CARS1: variants seen among roughly 807,000 people sequenced by gnomAD.
CARS1 encodes cysteinyl-tRNA synthetase 1.
CARS1 carries 48 observed loss-of-function variants against 106.2 expected under a neutral mutation model. That is an observed-to-expected ratio of 0.45 (90% CI 0.36 to 0.57). The LOEUF (loss-of-function observed/expected upper bound fraction) is 0.57. CARS1 is among the 20% of genes least tolerant of loss of function. The pLI is 0.00. For synonymous variants in CARS1, 409 were observed against 403.4 expected, an observed-to-expected ratio of 1.01 and a Z score of -0.17; for missense variants, 968 against 1,057.2, an observed-to-expected ratio of 0.92 and a Z score of 1.17.
intron 7 of CARS1, among the ~76,000 whole-genome samples, chr11:3,033,504 A>G (rs1250872453): frequency 6.6e-6 from 1 of 152,258 alleles, no homozygotes; most frequent in Non-Finnish European, 1.5e-5. Flanking sequence ...TTACTTCTAG[A>G]TAATTCCTGG....
In CARS1 at chr11:3,015,804, C is replaced by T. The variant is rs758967181; in HGVS notation, c.1963G>A (p.Gly655Arg). 8.4e-5 allele frequency: 136 copies of T among 1,614,020 alleles called. No homozygotes were observed. Among genetic ancestry groups the T allele is most frequent in the Non-Finnish European group, 1.0e-4 (121 of 1,180,026 alleles). Reference protein sequence around the residue: ...EEDSSLGFPVGGPGTSLSLEA... With the variant: ...EEDSSLGFPVRGPGTSLSLEA... ...ACACTGAGGCTGGTTCCAGGCCCTC[C>T]GACCGGGAATCCCAGGGAGCTGTCC... is the stretch of plus-strand genomic sequence containing the variant. The change falls in exon 17 of 23, where the codon GGA becomes AGA. Residue 655 changes from glycine (G) to arginine (R), a missense_variant. By Grantham distance (125) the Gly-to-Arg change is moderately radical (BLOSUM62 -2). Transcript: ENST00000380525.
At position 3,002,609 on chromosome 11, in the gene CARS1, T is replaced by A. The variant is rs1388822234; in HGVS notation, c.2218-9A>T. The A allele has an allele frequency of 6.2e-7, 1 of 1,613,778 alleles. No individual in the cohort carries two copies. Among genetic ancestry groups the A allele is most frequent in the Non-Finnish European group, 8.5e-7 (1 of 1,179,930 alleles). On this transcript the variant is annotated splice_polypyrimidine_tract_variant and intron_variant, in intron 20 of 22. Transcript: ENST00000380525. Reference sequence around the variant, plus strand: ...CTCTTCTCCTCTTCAACCTGGAGGGTCAATACAGAGCCAGATGAGACAGGG... The same window carrying A: ...CTCTTCTCCTCTTCAACCTGGAGGGACAATACAGAGCCAGATGAGACAGGG...
Position 3,017,025 on chromosome 11 carries a change from G to C in CARS1, c.1917+81C>G. 1 of 1,218,268 alleles carries C rather than the reference G, an allele frequency of 8.2e-7. No individual in the cohort carries two copies. Among genetic ancestry groups the C allele is most frequent in the East Asian group, 2.4e-5 (1 of 41,356 alleles). The allele number at this position is 1,218,268 out of a possible 1,614,324, so 75.5% of individuals were successfully genotyped here. A position where few individuals can be genotyped will look rare whatever the true frequency, so the allele number is the denominator to read the frequency against. ...AGGCACAGCACTGGGGGGCACCAGAGGCCTCTGTTCTCCCAGTCCTGGGGC... is the reference window on the plus strand; with the variant it reads ...AGGCACAGCACTGGGGGGCACCAGACGCCTCTGTTCTCCCAGTCCTGGGGC... On this transcript the variant is annotated intron_variant, in intron 16 of 22. Transcript: ENST00000380525. This position sits in a 1 kb window ranked among gnomAD's most constrained non-coding sequence, Gnocchi z 4.9.
rs79338628 is a variant in CARS1, at chr11:3,032,648, T to C, written c.802-3205A>G. Among the ~76,000 whole-genome samples, 9 of 151,960 alleles carry C rather than the reference T, an allele frequency of 5.9e-5. No homozygotes were observed. In the East Asian group the frequency reaches 1.5e-3, roughly 26 times the overall value. The stretch of plus-strand genomic sequence containing the variant: ...TTCTGTTTAAAAATTTTTTCCGATC[T>C]GAAATGGCTGCAACACTGTAGGATT... On this transcript the variant is annotated intron_variant, in intron 7 of 22. Coordinates refer to ENST00000380525, the MANE Select transcript of CARS1 (RefSeq NM_001014437.3).
In CARS1 at chr11:3,043,209, A is replaced by G. The variant is rs1349818091; in HGVS notation, c.275-953T>C. Among the ~76,000 whole-genome samples the G allele has an allele frequency of 6.6e-6, 1 of 151,884 alleles. No individual in the cohort carries two copies. The highest frequency in any genetic ancestry group is 1.5e-5 in the Non-Finnish European group (1 of 67,964). ...CAGGCCTGGCTTCCAACCTGGCACA[A>G]GGCTGTCCTTACACAACCTGCATCT... On this transcript the variant is annotated intron_variant, in intron 2 of 22. Coordinates refer to ENST00000380525, the MANE Select transcript of CARS1 (RefSeq NM_001014437.3). This position sits in a 1 kb window ranked among gnomAD's most constrained non-coding sequence, Gnocchi z 4.0.
At chr11:3,011,539 G>A (rs189335496) in intron 18 of CARS1, among the ~76,000 whole-genome samples, 182 of 152,266 alleles carry the variant, frequency 1.2e-3, no homozygotes, top group African/African-American at 4.1e-3. Context: ...GCGTGAACCC[G>A]GGAGGCGGAG....
chr11:3,033,880 A>T (rs1853220153), intron 7 of CARS1, among the ~76,000 whole-genome samples: 1 of 152,236 alleles, frequency 6.6e-6, no homozygotes, highest in Non-Finnish European at 1.5e-5. Flanking sequence ...TACCCATCAG[A>T]TACCTGTGAG....
At position 3,040,758 on chromosome 11, in the gene CARS1, G is replaced by C; in HGVS notation, c.455+138C>G. Reference sequence around the variant, plus strand: ...TCTTAAAAATAAGAGAAGAAATTCAGTCTTGATTCCTCAAATCTCAGGTCT... The same window carrying C: ...TCTTAAAAATAAGAGAAGAAATTCACTCTTGATTCCTCAAATCTCAGGTCT... On this transcript the variant is annotated intron_variant, in intron 4 of 22. Coordinates refer to ENST00000380525, the MANE Select transcript of CARS1 (RefSeq NM_001014437.3). This position sits in a 1 kb window ranked among gnomAD's most constrained non-coding sequence, Gnocchi z 5.8. 2 of 837,300 alleles carry C rather than the reference G, an allele frequency of 2.4e-6. No homozygotes were observed. The highest frequency in any genetic ancestry group is 3.8e-6 in the Non-Finnish European group (2 of 526,734). The allele number at this position is 837,300 out of a possible 1,614,324, so 51.9% of individuals were successfully genotyped here. A position where few individuals can be genotyped will look rare whatever the true frequency, so the allele number is the denominator to read the frequency against.
intron 12 of CARS1, 73 bp from the exon 13 acceptor site, chr11:3,018,822 G>C: frequency 6.5e-7 from 1 of 1,547,482 alleles, no homozygotes; most frequent in Non-Finnish European, 8.7e-7. Flanking sequence ...TGCACTGTCT[G>C]CTGCCTTGTT....
rs1355268470 is a variant in CARS1, at chr11:3,043,383, C to A, written c.275-1127G>T. Among the ~76,000 whole-genome samples the A allele has an allele frequency of 6.6e-6, 1 of 152,084 alleles. No homozygotes were observed. The highest frequency in any genetic ancestry group is 1.9e-4 in the East Asian group (1 of 5,194). On this transcript the variant is annotated intron_variant, in intron 2 of 22. Transcript: ENST00000380525. The surrounding 1 kb of genome is among the most constrained non-coding windows in gnomAD (Gnocchi z 4.0). ...GTTGCCCTCAGCCGGCTCCTGCCTGCCCTGCCCCCTCAGCAGATCCCCACT... is the reference window on the plus strand; with the variant it reads ...GTTGCCCTCAGCCGGCTCCTGCCTGACCTGCCCCCTCAGCAGATCCCCACT...
In CARS1 at chr11:3,001,243, C is replaced by A; in HGVS notation, c.2367G>T (p.Leu789=). ...CTTTGCCCTCCATGTCATGTGTGGGCAGACCCTGAAAACCCAGAGCACAGC... is the reference window on the plus strand; with the variant it reads ...CTTTGCCCTCCATGTCATGTGTGGGAAGACCCTGAAAACCCAGAGCACAGC... ...DKYSKFDENG[L]PTHDMEGKEL... is the part of the protein sequence containing the mutation. Residue 789 remains leucine, a synonymous_variant, in exon 23 of 23, where the codon CTG becomes CTT. Coordinates refer to ENST00000380525, the MANE Select transcript of CARS1 (RefSeq NM_001014437.3). 6.2e-7 allele frequency: 1 copy of A among 1,613,534 alleles called. No homozygotes were observed. Among genetic ancestry groups the A allele is most frequent in the Non-Finnish European group, 8.5e-7 (1 of 1,180,024 alleles).
At chr11:3,057,202 T>C in intron 1 of CARS1, 141 bp downstream of exon 1, 3 of 712,872 alleles carry the variant, frequency 4.2e-6, no homozygotes, top group South Asian at 1.7e-5. Flanking sequence ...CTGCCGCCCC[T>C]CAGACCACGG....
intron 18 of CARS1, chr11:3,007,859 G>A (rs7481584): frequency 0.28 from 42,273 of 152,174 alleles, 7,059 homozygotes; most frequent in East Asian, 0.63. Context: ...GAGTTTTCCC[G>A]TTCCCAGCCC....
At chr11:3,035,737 T>C (rs987842079) in intron 7 of CARS1, among the ~76,000 whole-genome samples, 1 of 152,214 alleles carries the variant, frequency 6.6e-6, no homozygotes, top group Non-Finnish European at 1.5e-5. Flanking sequence ...CCTCTTGCCC[T>C]GGCTTCCCAA....
rs1419542143 is a variant in CARS1 at position 3,050,695 on chromosome 11, C to T, written c.26-2694G>A. 6.6e-6 allele frequency among the ~76,000 whole-genome samples: 1 copy of T among 152,310 alleles called. No individual in the cohort carries two copies. The highest frequency in any genetic ancestry group is 6.5e-5 in the Admixed American group (1 of 15,288). ...ACTCACAATACCCTAGTCACATGGC[C>T]CCTCCACCTGCTGCTCTTTTTTTAG... On this transcript the variant is annotated intron_variant, in intron 1 of 22. Transcript: ENST00000380525. The surrounding 1 kb of genome is among the most constrained non-coding windows in gnomAD (Gnocchi z 6.3).
At chr11:3,031,979 T>C (rs965943748) in intron 7 of CARS1, among the ~76,000 whole-genome samples, 9 of 138,766 alleles carry the variant, frequency 6.5e-5, no homozygotes, top group Middle Eastern at 3.7e-3. Context: ...TCTGTTCTTT[T>C]CTTTCTCCTT....
Position 3,017,042 on chromosome 11 carries a change from T to TC in CARS1, c.1917+63dup, listed in dbSNP as rs2134139390. The TC allele has an allele frequency of 6.9e-7, 1 of 1,454,756 alleles. No individual in the cohort carries two copies. Among genetic ancestry groups the TC allele is most frequent in the African/African-American group, 1.4e-5 (1 of 71,142 alleles). 90.1% of individuals were successfully genotyped at this position (1,454,756 alleles called of 1,614,324 possible). A position where few individuals can be genotyped will look rare whatever the true frequency, so the allele number is the denominator to read the frequency against. Reference sequence around the variant, plus strand: ...GCACCAGAGGCCTCTGTTCTCCCAGTCCTGGGGCCTGGCTCCTGTGTCCAC... The same window carrying TC: ...GCACCAGAGGCCTCTGTTCTCCCAGTCCCTGGGGCCTGGCTCCTGTGTCCAC... On this transcript the variant is annotated intron_variant, in intron 16 of 22. Transcript: ENST00000380525. The surrounding 1 kb of genome is among the most constrained non-coding windows in gnomAD (Gnocchi z 4.9).
chr11:3,002,414 G>A (rs993282055), intron 21 of CARS1, 127 bp downstream of exon 21: 8 of 1,514,182 alleles, frequency 5.3e-6, no homozygotes, highest in Admixed American at 2.1e-5. Context: ...GGCAGAAAGC[G>A]GAGCTCCTTC....
In CARS1 at chr11:3,004,056, C is replaced by T. The variant is rs530886029; in HGVS notation, c.2217+1310G>A. Among the ~76,000 whole-genome samples the T allele has an allele frequency of 2.0e-5, 3 of 152,296 alleles. No homozygotes were observed. Among genetic ancestry groups the T allele is most frequent in the African/African-American group, 4.8e-5 (2 of 41,568 alleles). ...TGCCAGGGAGTGCAGCAAGCCAGGG[C>T]GTCTGCACAGCCAGCACCAGGCCAC... On this transcript the variant is annotated intron_variant, in intron 20 of 22. Transcript: ENST00000380525. This position sits in a 1 kb window ranked among gnomAD's most constrained non-coding sequence, Gnocchi z 5.2.
Sources: allele counts gnomAD v4.1 joint callset (sites outside exome capture counted in the v4.1 genomes callset), GRCh38; gene constraint gnomAD v4.1.1; non-coding constraint Gnocchi (gnomAD v3.1); transcripts MANE v1.5; gene names NCBI Gene and HGNC (gene_info 2026-07-23, HGNC 2026-07-21).